GRID2: variants seen among roughly 807,000 people sequenced by gnomAD.
The protein encoded by GRID2 is glutamate receptor ionotropic, delta-2.
GRID2 carries 33 observed loss-of-function variants against 114.8 expected under a neutral mutation model. The ratio of observed to expected loss-of-function variants is 0.29; its 90% confidence interval spans 0.22 to 0.38. The LOEUF is 0.38. GRID2 is among the 10% of genes least tolerant of loss of function. The pLI is 1.00. For missense variants in GRID2, 1,184 were observed against 1,257.7 expected, an observed-to-expected ratio of 0.94 and a Z score of 0.89; for synonymous variants, 505 against 449.9, an observed-to-expected ratio of 1.12 and a Z score of -1.55.
chr4:92,855,187 A>T (rs1304158812), intron 2 of GRID2, among the ~76,000 whole-genome samples: 1 of 152,046 alleles, frequency 6.6e-6, no homozygotes, highest in Non-Finnish European at 1.5e-5. Flanking sequence ...TGAATGTCCT[A>T]TTCACTGTAG....
chr4:93,104,819 A>G (rs1732045917), intron 3 of GRID2, among the ~76,000 whole-genome samples: 1 of 152,112 alleles, frequency 6.6e-6, no homozygotes. Context: ...TTGGGTATAT[A>G]CCCAGTAATG....
At chr4:93,194,417 G>A (rs1418598186) in intron 4 of GRID2, among the ~76,000 whole-genome samples, 1 of 152,008 alleles carries the variant, frequency 6.6e-6, no homozygotes. Context: ...CTTTACAATA[G>A]GCTTGAAAAT....
At chr4:92,614,733 T>A (rs1729925568) in intron 2 of GRID2, among the ~76,000 whole-genome samples, 1 of 151,626 alleles carries the variant, frequency 6.6e-6, no homozygotes, top group South Asian at 2.1e-4. Flanking sequence ...GATAGACTTG[T>A]TCTGGTATTG....
intron 2 of GRID2, among the ~76,000 whole-genome samples, chr4:92,975,620 A>T: frequency 6.6e-6 from 1 of 152,106 alleles, no homozygotes; most frequent in East Asian, 1.9e-4. Flanking sequence ...AGAAATTTCC[A>T]TGAACTTATT....
intron 1 of GRID2, among the ~76,000 whole-genome samples, chr4:92,415,728 GT>G (rs1731566923): frequency 1.1e-5 from 1 of 90,290 alleles, no homozygotes; most frequent in Non-Finnish European, 2.3e-5. Context: ...GTGTGTGTGT[GT>G]GTGTATGTGT....
intron 11 of GRID2, among the ~76,000 whole-genome samples, chr4:93,456,565 A>T (rs577320571): frequency 6.6e-5 from 10 of 152,298 alleles, no homozygotes; most frequent in African/African-American, 2.4e-4. Context: ...CAATCTGCCC[A>T]ACTCTTTAAA....
intron 2 of GRID2, among the ~76,000 whole-genome samples, chr4:92,991,249 G>C (rs1359505901): frequency 6.6e-6 from 1 of 152,096 alleles, no homozygotes; most frequent in African/African-American, 2.4e-5. Context: ...CAATACTCTT[G>C]AAGATTCAAT....
intron 2 of GRID2, among the ~76,000 whole-genome samples, chr4:92,943,278 C>T (rs1751323740): frequency 6.6e-6 from 1 of 152,052 alleles, no homozygotes; most frequent in African/African-American, 2.4e-5. Context: ...TCTTTTTATT[C>T]TTTTTTCTCT....
intron 14 of GRID2, among the ~76,000 whole-genome samples, chr4:93,749,141 C>G (rs78963552): frequency 0.037 from 5,657 of 151,932 alleles, 149 homozygotes; most frequent in East Asian, 0.082. Context: ...GGCTGAGGTG[C>G]GGGAAAGAAG....
chr4:92,955,583 G>A (rs1437973986), intron 2 of GRID2, among the ~76,000 whole-genome samples: 1 of 151,998 alleles, frequency 6.6e-6, no homozygotes, highest in Non-Finnish European at 1.5e-5. Context: ...TCTCTCTGAT[G>A]GTAGTTTCTT....
intron 1 of GRID2, among the ~76,000 whole-genome samples, chr4:92,492,259 C>G (rs2149114643): frequency 6.6e-6 from 1 of 152,292 alleles, no homozygotes; most frequent in African/African-American, 2.4e-5. Context: ...AAGAGCAATT[C>G]TCTTCCTTCA....
chr4:92,477,493 T>C (rs1300376090), intron 1 of GRID2, among the ~76,000 whole-genome samples: 1 of 151,998 alleles, frequency 6.6e-6, no homozygotes, highest in Non-Finnish European at 1.5e-5. Context: ...GTATGCTTGA[T>C]TGTGTCAGTT....
intron 2 of GRID2, among the ~76,000 whole-genome samples, chr4:93,002,172 TAATA>T (rs1427165346): frequency 6.6e-6 from 1 of 151,750 alleles, no homozygotes; most frequent in Non-Finnish European, 1.5e-5. Context: ...ATCTTACAAA[TAATA>T]AATAAAAATT....
intron 5 of GRID2, among the ~76,000 whole-genome samples, chr4:93,212,984 GCTGGTCTCGAACTC>G (rs1192100913): frequency 6.6e-6 from 1 of 152,042 alleles, no homozygotes; most frequent in Non-Finnish European, 1.5e-5. Flanking sequence ...TGTTGGCCAG[GCTGGTCTCGAACTC>G]CTGACCTCAG....
At chr4:92,621,719 T>A (rs1212231455) in intron 2 of GRID2, among the ~76,000 whole-genome samples, 1 of 151,790 alleles carries the variant, frequency 6.6e-6, no homozygotes, top group Non-Finnish European at 1.5e-5. Context: ...GGAGAGAATT[T>A]TCATTATGGT....
chr4:93,237,620 T>C (rs1449493486), intron 7 of GRID2, among the ~76,000 whole-genome samples: 1 of 151,916 alleles, frequency 6.6e-6, no homozygotes, highest in African/African-American at 2.4e-5. Context: ...GCGATTTTCA[T>C]TTGTAAAATC....
At chr4:93,201,649 G>A (rs1307277467) in intron 4 of GRID2, among the ~76,000 whole-genome samples, 2 of 152,190 alleles carry the variant, frequency 1.3e-5, no homozygotes, top group Non-Finnish European at 2.9e-5. Flanking sequence ...TAAACAGCAT[G>A]TTGCTGTTAT....
At chr4:92,335,678 G>T (rs1481113180) in intron 1 of GRID2, among the ~76,000 whole-genome samples, 1 of 152,004 alleles carries the variant, frequency 6.6e-6, no homozygotes, top group East Asian at 1.9e-4. Context: ...TATTTTAAAG[G>T]GTATACCATT....
chr4:93,598,289 T>C (rs571002509), intron 13 of GRID2, among the ~76,000 whole-genome samples: 4 of 152,306 alleles, frequency 2.6e-5, no homozygotes, highest in South Asian at 4.1e-4. Flanking sequence ...CATAAAATTA[T>C]TCCATTTCTT....
Sources: gnomAD v4.1 joint callset for allele counts (sites outside exome capture counted in the v4.1 genomes callset) on GRCh38, gnomAD v4.1.1 for gene constraint, MANE v1.5 for transcripts, NCBI Gene and HGNC (gene_info 2026-07-23, HGNC 2026-07-21) for gene names.